ABLIM3: variants seen among roughly 807,000 people sequenced by gnomAD.
ABLIM3 encodes the protein actin binding LIM protein family member 3, also known as actin-binding LIM protein 3.
In ABLIM3, 61 loss-of-function variants were observed where a neutral mutation model predicts 109.5. The ratio of observed to expected loss-of-function variants is 0.56; its 90% CI spans 0.45 to 0.69. ABLIM3 has a LOEUF of 0.69. Among genes scored for constraint, ABLIM3 ranks in the 30% least tolerant of loss-of-function variants. The pLI, the probability that ABLIM3 is intolerant of heterozygous loss-of-function variation, is 0.00. For synonymous variants in ABLIM3, 300 were observed against 324.8 expected (o/e 0.92, Z 0.82); for missense variants, 796 against 889.5 (o/e 0.89, Z 1.34).
intron 6 of ABLIM3, 76 bp downstream of exon 6, chr5:149,207,210 A>G (rs1759078405): frequency 6.5e-7 from 1 of 1,545,308 alleles, no homozygotes; most frequent in Admixed American, 1.8e-5. Context: ...GCCCATGCCT[A>G]CATCTCCAGC....
At chr5:149,153,930 C>G (rs1030679454) in intron 2 of ABLIM3, among the ~76,000 whole-genome samples, 1 of 152,198 alleles carries the variant, frequency 6.6e-6, no homozygotes, top group Non-Finnish European at 1.5e-5. Flanking sequence ...CACCTTCTCT[C>G]GCAGCAGAAT....
chr5:149,154,393 G>C (rs1462032405), intron 2 of ABLIM3, among the ~76,000 whole-genome samples: 2 of 152,224 alleles, frequency 1.3e-5, no homozygotes, highest in Non-Finnish European at 2.9e-5. Flanking sequence ...AACTGGCAGA[G>C]ACAGAGCCTG....
chr5:149,225,857 C>T (rs1761133735), intron 8 of ABLIM3, among the ~76,000 whole-genome samples: 1 of 150,990 alleles, frequency 6.6e-6, no homozygotes, highest in Non-Finnish European at 1.5e-5. Context: ...CCTCCAATTT[C>T]ATCTGGGTTG....
intron 2 of ABLIM3, among the ~76,000 whole-genome samples, chr5:149,143,107 G>A (rs1752633835): frequency 6.6e-6 from 1 of 152,092 alleles, no homozygotes; most frequent in Non-Finnish European, 1.5e-5. Flanking sequence ...TTCCATGCCT[G>A]TAATCCCAGC....
chr5:149,203,254 A>G (rs1758649340), intron 5 of ABLIM3, among the ~76,000 whole-genome samples: 1 of 151,874 alleles, frequency 6.6e-6, no homozygotes, highest in African/African-American at 2.4e-5. Context: ...CATCACCACC[A>G]ACACCACTGC....
chr5:149,154,862 C>A (rs1753746451), intron 2 of ABLIM3, among the ~76,000 whole-genome samples: 2 of 152,164 alleles, frequency 1.3e-5, no homozygotes. Flanking sequence ...TTCTTGGACA[C>A]ATGAATGAGC....
rs147097972 is a variant in ABLIM3, at chr5:149,175,354, A to G, written c.14-8098A>G. Among the ~76,000 whole-genome samples, 269 of 152,284 alleles carry G rather than the reference A, an allele frequency of 1.8e-3. 4 individuals carry two copies. The highest frequency in any genetic ancestry group is 6.3e-3 in the African/African-American group (261 of 41,548). ...AAAATGGGTGGCTTCCTAGCTTTTGAATTTTAAAATCCTGTCCCTTTAGAA... is the reference window on the plus strand; with the variant it reads ...AAAATGGGTGGCTTCCTAGCTTTTGGATTTTAAAATCCTGTCCCTTTAGAA... On this transcript the variant is annotated intron_variant, in intron 2 of 23. Coordinates refer to ENST00000309868, the MANE Select transcript of ABLIM3 (RefSeq NM_014945.5).
At position 149,194,128 on chromosome 5, in the gene ABLIM3, G is replaced by C. The variant is rs558832866; in HGVS notation, c.152-4091G>C. Among the ~76,000 whole-genome samples the C allele has an allele frequency of 6.6e-5, 10 of 150,416 alleles. No individual in the cohort carries two copies. In the South Asian group the frequency reaches 2.1e-3, roughly 31 times the overall value. On this transcript the variant is annotated intron_variant, in intron 3 of 23. Coordinates refer to ENST00000309868, the MANE Select transcript of ABLIM3 (RefSeq NM_014945.5). ...TTGGTTCATCCAAAAACAAGAAAAG[G>C]GGAGCAAAAGCAAGCCCCAAATTGC...
In ABLIM3 at chr5:149,171,719, A is replaced by G. The variant is rs6874748; in HGVS notation, c.14-11733A>G. The stretch of plus-strand genomic sequence containing the variant: ...AGTCCTGTAGTGAGGATAAATCTGC[A>G]AAGCCCACATCTTATCCTGACTGCT... On this transcript the variant is annotated intron_variant, in intron 2 of 23. Transcript: ENST00000309868. Among the ~76,000 whole-genome samples, 415 of 152,344 alleles carry G rather than the reference A, an allele frequency of 2.7e-3. 3 individuals are homozygous for G. Among genetic ancestry groups the G allele is most frequent in the African/African-American group, 9.5e-3 (394 of 41,572 alleles).
chr5:149,200,499 C>A, intron 5 of ABLIM3, 71 bp downstream of exon 5: 3 of 1,486,622 alleles, frequency 2.0e-6, no homozygotes, highest in Non-Finnish European at 2.8e-6. Context: ...CCCAGCACTG[C>A]CAACTGCTCC....
chr5:149,175,861 T>G (rs1480722380), intron 2 of ABLIM3, among the ~76,000 whole-genome samples: 3 of 152,184 alleles, frequency 2.0e-5, no homozygotes, highest in Non-Finnish European at 4.4e-5. Context: ...CATGCCGTTC[T>G]GACACATGTC....
At chr5:149,160,257 C>T (rs527597478) in intron 2 of ABLIM3, among the ~76,000 whole-genome samples, 1 of 152,088 alleles carries the variant, frequency 6.6e-6, no homozygotes, top group East Asian at 1.9e-4. Flanking sequence ...GAGTTCGAGA[C>T]CAGCCTGGCC....
At chr5:149,149,101 C>A (rs1037250256) in intron 2 of ABLIM3, among the ~76,000 whole-genome samples, 30 of 152,210 alleles carry the variant, frequency 2.0e-4, no homozygotes, top group African/African-American at 7.0e-4. Context: ...ATAACTCCCA[C>A]AAAGATGTCA....
At chr5:149,250,578 G>T in intron 20 of ABLIM3, 73 bp downstream of exon 20, 2 of 1,565,340 alleles carry the variant, frequency 1.3e-6, no homozygotes, top group Non-Finnish European at 1.8e-6. Context: ...TTAGCTTATT[G>T]TAAGGTGAAA....
In ABLIM3 at chr5:149,175,821, T is replaced by C. The variant is rs568180380; in HGVS notation, c.14-7631T>C. On this transcript the variant is annotated intron_variant, in intron 2 of 23. Coordinates refer to ENST00000309868, the MANE Select transcript of ABLIM3 (RefSeq NM_014945.5). ...GTAGCTGCCATGTGGCAGCTGGCTG[T>C]CAGACAAGAGCAGTCTGGCTGGCCA... Among the ~76,000 whole-genome samples the C allele has an allele frequency of 9.2e-5, 14 of 152,294 alleles. No homozygotes were observed. The South Asian group carries it at 2.7e-3, about 29-fold the overall frequency.
intron 10 of ABLIM3, among the ~76,000 whole-genome samples, chr5:149,233,858 T>C (rs1762102583): frequency 6.6e-6 from 1 of 152,160 alleles, no homozygotes; most frequent in Admixed American, 6.5e-5. Context: ...TGAGCTCCCA[T>C]CTCCACAGGC....
intron 2 of ABLIM3, among the ~76,000 whole-genome samples, chr5:149,173,576 G>C (rs915036982): frequency 6.6e-6 from 1 of 152,146 alleles, no homozygotes; most frequent in Non-Finnish European, 1.5e-5. Context: ...GGTGGGATGG[G>C]GTCACAAGGG....
At position 149,157,082 on chromosome 5, in the gene ABLIM3, G is replaced by C. The variant is rs78525388; in HGVS notation, c.13+14974G>C. On this transcript the variant is annotated intron_variant, in intron 2 of 23. Transcript: ENST00000309868. ...AAGATAGAGAAGGTCATTGGGAATA[G>C]ACACAGAGAGGACCAGAAAGCGTTC... Among the ~76,000 whole-genome samples the C allele has an allele frequency of 1.9e-3, 288 of 152,330 alleles. 7 individuals are homozygous for C. In the East Asian group the frequency reaches 0.048, roughly 26 times the overall value.
chr5:149,198,015 AG>A lies in ABLIM3; in HGVS notation c.152-202del, dbSNP rs1758137315. ...ATTCTTTAAGGAATACTGGCCCCAA[AG>A]GCCTGTGAAGTCTGACATGCTACCA... On this transcript the variant is annotated intron_variant, in intron 3 of 23. Coordinates refer to ENST00000309868, the MANE Select transcript of ABLIM3 (RefSeq NM_014945.5). This position sits in a 1 kb window ranked among gnomAD's most constrained non-coding sequence, Gnocchi z 4.2. 7.8e-6 allele frequency among the ~76,000 whole-genome samples: 1 copy of A among 128,132 alleles called. No homozygotes were observed. Among genetic ancestry groups the A allele is most frequent in the South Asian group, 2.5e-4 (1 of 3,972 alleles). 84.1% of individuals were successfully genotyped at this position (128,132 alleles called of 152,430 possible).
Sources: gnomAD v4.1 joint callset for allele counts (sites outside exome capture counted in the v4.1 genomes callset) on GRCh38, gnomAD v4.1.1 for gene constraint, Gnocchi (gnomAD v3.1) non-coding constraint, MANE v1.5 for transcripts, NCBI Gene and HGNC (gene_info 2026-07-23, HGNC 2026-07-21) for gene names.